PANK4: variants seen among roughly 807,000 people sequenced by gnomAD.
PANK4 encodes the protein pantothenate kinase 4 (inactive), also known as 4'-phosphopantetheine phosphatase.
Under a neutral mutation model 87.9 loss-of-function variants are expected in PANK4, and 40 were observed. The observed-to-expected ratio is 0.46, with a 90% CI of 0.35 to 0.59. The LOEUF (loss-of-function observed/expected upper bound fraction) is 0.59, where lower values mean the gene tolerates loss of function less well. PANK4 is among the 20% of genes least tolerant of loss of function. PANK4 has a pLI of 0.00. For missense variants in PANK4, 926 were observed against 1,072.3 expected (o/e 0.86, Z 1.90); for synonymous variants, 524 against 467.4 (o/e 1.12, Z -1.56).
rs187317207 is a variant in PANK4 at position 2,521,154 on chromosome 1, G to C, written c.369C>G (p.Thr123=). 3 of 1,613,846 alleles carry C rather than the reference G, an allele frequency of 1.9e-6. No homozygotes were observed. Among genetic ancestry groups the C allele is most frequent in the East Asian group, 2.2e-5 (1 of 44,904 alleles). ...CTTTGAACTTGTAGGCCCCGCCCCC[G>C]GTCGCCTGGATGACCTTGGTCTCTG... The part of the protein sequence containing the change: ...VNTETKVIQA[T]GGGAYKFKDL... The change falls in exon 3 of 19, where the codon ACC becomes ACG. Residue 123 remains threonine (T), a synonymous_variant. Coordinates refer to ENST00000378466, the MANE Select transcript of PANK4 (RefSeq NM_018216.4).
rs200452217 is a variant in PANK4 at position 2,515,612 on chromosome 1, C to A, written c.1324G>T (p.Ala442Ser). The A allele has an allele frequency of 6.2e-7, 1 of 1,613,192 alleles. No individual in the cohort carries two copies. The highest frequency in any genetic ancestry group is 8.5e-7 in the Non-Finnish European group (1 of 1,179,998). Residue 442 changes from alanine (A) to serine (S), a missense_variant, in exon 10 of 19, where the codon GCT becomes TCT. Ala to Ser is a moderately conservative substitution (Grantham distance 99, BLOSUM62 1). Coordinates refer to ENST00000378466, the MANE Select transcript of PANK4 (RefSeq NM_018216.4). This position sits in a 1 kb window ranked among gnomAD's most constrained non-coding sequence, Gnocchi z 5.0. ...GTGAGCCAGTATTTTCGGGCCAGAG[C>A]GTCATCGGTGAGGTCCACCGTGTCG... Reference protein sequence around the residue: ...VPDTVDLTDDALARKYWLTCF... With the variant: ...VPDTVDLTDDSLARKYWLTCF...
chr1:2,524,934 C>T lies in PANK4; in HGVS notation c.124+1530G>A, dbSNP rs930965679. On this transcript the variant is annotated intron_variant, in intron 1 of 18. Transcript: ENST00000378466. ...CTAGGCTAGGGCTGCAAGCTCAGCA[C>T]CTGCAGCCCAATAACCAGTCAGTCC... Among the ~76,000 whole-genome samples the T allele has an allele frequency of 4.6e-5, 7 of 152,104 alleles. 1 individual carries two copies. The highest frequency in any genetic ancestry group is 3.3e-4 in the Admixed American group (5 of 15,282).
chr1:2,510,931 G>A lies in PANK4; in HGVS notation c.1834-149C>T, dbSNP rs1643649507. The A allele has an allele frequency of 1.3e-5, 8 of 617,396 alleles. No individual in the cohort carries two copies. Among genetic ancestry groups the A allele is most frequent in the South Asian group, 9.5e-5 (5 of 52,480 alleles). 38.2% of individuals were successfully genotyped at this position (617,396 alleles called of 1,614,324 possible). On this transcript the variant is annotated intron_variant, in intron 15 of 18. Coordinates refer to ENST00000378466, the MANE Select transcript of PANK4 (RefSeq NM_018216.4). This position sits in a 1 kb window ranked among gnomAD's most constrained non-coding sequence, Gnocchi z 4.9. ...TGCCAGGGATGGGCTGTCCTGCAGG[G>A]GCCGAGACCAGGGGCTTCAGGGCCC...
intron 10 of PANK4, among the ~76,000 whole-genome samples, chr1:2,514,980 G>A (rs1422120393): frequency 1.3e-5 from 2 of 152,132 alleles, no homozygotes; most frequent in Non-Finnish European, 2.9e-5. Flanking sequence ...CCTGGGCAGG[G>A]CTGGGACTCC....
Position 2,510,288 on chromosome 1 carries a change from G to C in PANK4, c.1939-131C>G. The C allele has an allele frequency of 1.5e-6, 1 of 684,478 alleles. No individual in the cohort carries two copies. Among genetic ancestry groups the C allele is most frequent in the Non-Finnish European group, 2.7e-6 (1 of 374,920 alleles). The allele number at this position is 684,478 out of a possible 1,614,324, so 42.4% of individuals were successfully genotyped here. On this transcript the variant is annotated intron_variant, in intron 16 of 18. Coordinates refer to ENST00000378466, the MANE Select transcript of PANK4 (RefSeq NM_018216.4). This position sits in a 1 kb window ranked among gnomAD's most constrained non-coding sequence, Gnocchi z 4.9. Reference sequence around the variant, plus strand: ...CAGCGGGCCTGGCCAGCCACCTGCTGCTGAGGAGCAGGGACCTCGCCTGAC... The same window carrying C: ...CAGCGGGCCTGGCCAGCCACCTGCTCCTGAGGAGCAGGGACCTCGCCTGAC...
intron 13 of PANK4, 141 bp from the exon 14 acceptor site, chr1:2,511,824 G>A (rs1643667264): frequency 3.0e-6 from 2 of 661,538 alleles, no homozygotes; most frequent in East Asian, 2.7e-5. Context: ...CCTCCCAGGT[G>A]GGACAGGGGC....
In PANK4 at chr1:2,510,885, G is replaced by C; in HGVS notation, c.1834-103C>G. ...CGCTGCCCTGCAGGGGCCGAGACTG[G>C]GGGCTTCAGGGCCCCAGAGATGCCA... On this transcript the variant is annotated intron_variant, in intron 15 of 18. Transcript: ENST00000378466. This position sits in a 1 kb window ranked among gnomAD's most constrained non-coding sequence, Gnocchi z 4.9. The C allele has an allele frequency of 1.5e-5, 11 of 721,048 alleles. No individual in the cohort carries two copies. The South Asian group carries it at 1.7e-4, about 11-fold the overall frequency. The allele number at this position is 721,048 out of a possible 1,614,324, so 44.7% of individuals were successfully genotyped here. A position where few individuals can be genotyped will look rare whatever the true frequency, so the allele number is the denominator to read the frequency against.
rs372491273 is a variant in PANK4, at chr1:2,521,366, C to T, written c.208-51G>A. On this transcript the variant is annotated intron_variant, in intron 2 of 18. Coordinates refer to ENST00000378466, the MANE Select transcript of PANK4 (RefSeq NM_018216.4). ...CATGTGTGTGGGACACCGCGCCGGG[C>T]TGGGCTGTGCGCACCCTGCCCTAGT... The T allele has an allele frequency of 9.9e-6, 14 of 1,417,018 alleles. No individual in the cohort carries two copies. The South Asian group carries it at 1.5e-4, about 15-fold the overall frequency. The allele number at this position is 1,417,018 out of a possible 1,614,324, so 87.8% of individuals were successfully genotyped here.
rs1470503837 is a variant in PANK4, at chr1:2,515,126, G to A, written c.1374+436C>T. The A allele has an allele frequency of 5.5e-6, 2 of 363,072 alleles. No individual in the cohort carries two copies. The highest frequency in any genetic ancestry group is 2.1e-5 in the South Asian group (1 of 48,146). 22.5% of individuals were successfully genotyped at this position (363,072 alleles called of 1,614,324 possible). A position where few individuals can be genotyped will look rare whatever the true frequency, so the allele number is the denominator to read the frequency against. On this transcript the variant is annotated intron_variant, in intron 10 of 18. Coordinates refer to ENST00000378466, the MANE Select transcript of PANK4 (RefSeq NM_018216.4). The surrounding 1 kb of genome is among the most constrained non-coding windows in gnomAD (Gnocchi z 5.0). ...GCCCAGGGCCTGGCATTTGCTCCAC[G>A]GGACCAGCCCAGCCTTGGAGAAGGT... is the stretch of plus-strand genomic sequence containing the variant.
intron 13 of PANK4, 93 bp from the exon 14 acceptor site, chr1:2,511,776 G>C: frequency 1.3e-6 from 1 of 761,078 alleles, no homozygotes; most frequent in Admixed American, 2.0e-5. Flanking sequence ...CCTCCCAGGC[G>C]GGACAGAGGC....
Position 2,510,002 on chromosome 1 carries a change from C to T in PANK4, c.2039+55G>A. On this transcript the variant is annotated intron_variant, in intron 17 of 18. Transcript: ENST00000378466. The surrounding 1 kb of genome is among the most constrained non-coding windows in gnomAD (Gnocchi z 4.9). Reference sequence around the variant, plus strand: ...TGACAATCCCCATGGCCCACTCTGCCCAGCTGGTGCCCCTCCCCATCAAGG... The same window carrying T: ...TGACAATCCCCATGGCCCACTCTGCTCAGCTGGTGCCCCTCCCCATCAAGG... 6.3e-7 allele frequency: 1 copy of T among 1,575,398 alleles called. No individual in the cohort carries two copies. Among genetic ancestry groups the T allele is most frequent in the South Asian group, 1.1e-5 (1 of 88,214 alleles).
At chr1:2,524,120 C>T (rs536356499) in intron 1 of PANK4, among the ~76,000 whole-genome samples, 1 of 152,366 alleles carries the variant, frequency 6.6e-6, no homozygotes, top group South Asian at 2.1e-4. Flanking sequence ...GGAACCCTCC[C>T]CACAGCCCGC....
intron 12 of PANK4, 52 bp downstream of exon 12, chr1:2,513,950 C>T (rs1322235770): frequency 7.6e-7 from 1 of 1,314,938 alleles, no homozygotes; most frequent in African/African-American, 1.4e-5. Context: ...ACACGCGGTG[C>T]CAGCGGGACG....
chr1:2,520,920 G>T lies in PANK4; in HGVS notation c.423-14C>A, dbSNP rs781272631. On this transcript the variant is annotated splice_polypyrimidine_tract_variant and intron_variant, in intron 3 of 18. Coordinates refer to ENST00000378466, the MANE Select transcript of PANK4 (RefSeq NM_018216.4). This position sits in a 1 kb window ranked among gnomAD's most constrained non-coding sequence, Gnocchi z 6.2. ...TCCTTGTCGACTCTGAAAAGGAAGCGCCAACCCCTTAAAGAGTCTGGGCCA... is the reference window on the plus strand; with the variant it reads ...TCCTTGTCGACTCTGAAAAGGAAGCTCCAACCCCTTAAAGAGTCTGGGCCA... 4 of 1,542,316 alleles carry T rather than the reference G, an allele frequency of 2.6e-6. No homozygotes were observed. Among genetic ancestry groups the T allele is most frequent in the African/African-American group, 1.4e-5 (1 of 72,548 alleles).
At chr1:2,521,005 A>G (rs4648643) in intron 3 of PANK4, 96 bp downstream of exon 3, 383,528 of 1,517,900 alleles carry the variant, frequency 0.25, 55,465 homozygotes, top group African/African-American at 0.55. Flanking sequence ...CCCCATGCGC[A>G]ATCTGACACA....
chr1:2,510,185 G>A lies in PANK4; in HGVS notation c.1939-28C>T, dbSNP rs760271272. 12 of 1,424,372 alleles carry A rather than the reference G, an allele frequency of 8.4e-6. No homozygotes were observed. The highest frequency in any genetic ancestry group is 1.9e-4 in the Middle Eastern group (1 of 5,322). The allele number at this position is 1,424,372 out of a possible 1,614,324, so 88.2% of individuals were successfully genotyped here. A position where few individuals can be genotyped will look rare whatever the true frequency, so the allele number is the denominator to read the frequency against. On this transcript the variant is annotated intron_variant, in intron 16 of 18. Coordinates refer to ENST00000378466, the MANE Select transcript of PANK4 (RefSeq NM_018216.4). The surrounding 1 kb of genome is among the most constrained non-coding windows in gnomAD (Gnocchi z 4.9). ...GCAGGAGGAGGGCCCAGGCTCTTTA[G>A]GAACCTGTGCTGGCCCAGCATGGAG... is the stretch of plus-strand genomic sequence containing the variant.
At chr1:2,517,046 CTCCAGGTTACAG>C (rs1253605117) in intron 9 of PANK4, among the ~76,000 whole-genome samples, 1 of 152,234 alleles carries the variant, frequency 6.6e-6, no homozygotes, top group Non-Finnish European at 1.5e-5. Flanking sequence ...CACGCAGTCA[CTCCAGGTTACAG>C]TCCAGGACAT....
chr1:2,520,273 G>C lies in PANK4; in HGVS notation c.699+49C>G. The C allele has an allele frequency of 1.3e-6, 2 of 1,539,408 alleles. No homozygotes were observed. Among genetic ancestry groups the C allele is most frequent in the Non-Finnish European group, 1.8e-6 (2 of 1,113,386 alleles). On this transcript the variant is annotated intron_variant, in intron 5 of 18. Transcript: ENST00000378466. This position sits in a 1 kb window ranked among gnomAD's most constrained non-coding sequence, Gnocchi z 6.2. ...AGCTGCAGGCCTTCGGGGGAAGGAAGCAGACATCTCCGCAGACCCCTGGAA... is the reference window on the plus strand; with the variant it reads ...AGCTGCAGGCCTTCGGGGGAAGGAACCAGACATCTCCGCAGACCCCTGGAA...
chr1:2,526,012 C>G (rs1353799447), intron 1 of PANK4: 1 of 152,412 alleles, frequency 6.6e-6, no homozygotes, highest in African/African-American at 2.4e-5. Flanking sequence ...GGCTTCCCGC[C>G]GAGCTCGTCC....
Sources: gnomAD v4.1 joint callset for allele counts (sites outside exome capture counted in the v4.1 genomes callset) on GRCh38, gnomAD v4.1.1 for gene constraint, Gnocchi (gnomAD v3.1) non-coding constraint, MANE v1.5 for transcripts, NCBI Gene and HGNC (gene_info 2026-07-23, HGNC 2026-07-21) for gene names.